CPQ: variants seen among roughly 807,000 people sequenced by gnomAD.
The protein encoded by CPQ is carboxypeptidase Q, also known as Ser-Met dipeptidase.
CPQ carries 37 observed loss-of-function variants against 45.7 expected under a neutral mutation model. The observed-to-expected ratio is 0.81, with a 90% CI of 0.62 to 1.07. The LOEUF is 1.07. Among genes scored for constraint, CPQ ranks in the 50% least tolerant of loss-of-function variants. The pLI, the probability that CPQ is intolerant of heterozygous loss-of-function variation, is 0.00. For synonymous variants in CPQ, 186 were observed against 205.8 expected (o/e 0.90, Z 0.82); for missense variants, 537 against 572.9 (o/e 0.94, Z 0.64).
At chr8:96,957,067 C>T (rs1048606936) in intron 4 of CPQ, among the ~76,000 whole-genome samples, 2 of 152,176 alleles carry the variant, frequency 1.3e-5, no homozygotes, top group African/African-American at 4.8e-5. Context: ...CTGTAACATT[C>T]TTTGACTGTC....
intron 2 of CPQ, among the ~76,000 whole-genome samples, chr8:96,789,374 T>C (rs1396517519): frequency 6.6e-6 from 1 of 152,234 alleles, no homozygotes; most frequent in Non-Finnish European, 1.5e-5. Flanking sequence ...CTGTGATGTC[T>C]ATTTCTCCTA....
At chr8:97,119,261 A>G (rs1247150109) in intron 7 of CPQ, among the ~76,000 whole-genome samples, 1 of 148,634 alleles carries the variant, frequency 6.7e-6, no homozygotes, top group Non-Finnish European at 1.5e-5. Context: ...CCCAGGAGGC[A>G]GAAGTTACAG....
At chr8:96,722,366 C>G (rs1236623812) in intron 1 of CPQ, among the ~76,000 whole-genome samples, 2 of 152,078 alleles carry the variant, frequency 1.3e-5, no homozygotes, top group African/African-American at 4.8e-5. Context: ...GGGACCAGAT[C>G]TGGCCTGCTC....
chr8:97,045,039 T>C (rs1810213715), intron 6 of CPQ, among the ~76,000 whole-genome samples: 1 of 152,200 alleles, frequency 6.6e-6, no homozygotes, highest in Admixed American at 6.5e-5. Context: ...GACATTTAAG[T>C]CTGCAGAGGT....
At chr8:97,088,910 T>G (rs1811082347) in intron 7 of CPQ, among the ~76,000 whole-genome samples, 1 of 152,178 alleles carries the variant, frequency 6.6e-6, no homozygotes, top group South Asian at 2.1e-4. Context: ...AAGTCCAAGC[T>G]ATACTCGAAA....
chr8:96,708,892 C>T (rs916946423), intron 1 of CPQ, among the ~76,000 whole-genome samples: 1 of 152,166 alleles, frequency 6.6e-6, no homozygotes, highest in African/African-American at 2.4e-5. Flanking sequence ...CCATTCACCA[C>T]TGTTGAATAT....
chr8:96,760,649 A>G (rs756709283), intron 1 of CPQ, among the ~76,000 whole-genome samples: 3 of 152,192 alleles, frequency 2.0e-5, no homozygotes, highest in Non-Finnish European at 2.9e-5. Context: ...AAAGGAACTC[A>G]TAAGAGAACC....
chr8:96,677,589 G>C (rs1218552473), intron 1 of CPQ, among the ~76,000 whole-genome samples: 1 of 152,048 alleles, frequency 6.6e-6, no homozygotes, highest in Non-Finnish European at 1.5e-5. Flanking sequence ...CAGATGCATA[G>C]TTTGTGAATA....
At chr8:96,826,408 A>G (rs1474332539) in intron 2 of CPQ, among the ~76,000 whole-genome samples, 9 of 152,046 alleles carry the variant, frequency 5.9e-5, no homozygotes, top group Admixed American at 4.6e-4. Flanking sequence ...CAGTAATGCT[A>G]TGATAACAAA....
At chr8:96,761,515 G>C (rs1174790005) in intron 1 of CPQ, 1 of 152,214 alleles carries the variant, frequency 6.6e-6, no homozygotes, top group Non-Finnish European at 1.5e-5. Context: ...TTGTAAAGGG[G>C]AGGCTGAAGA....
At chr8:96,841,428 T>C (rs1208270518) in intron 3 of CPQ, among the ~76,000 whole-genome samples, 4 of 152,188 alleles carry the variant, frequency 2.6e-5, no homozygotes, top group Non-Finnish European at 5.9e-5. Context: ...TAAAATATAA[T>C]TCAAAAGGTA....
At chr8:97,115,240 A>G (rs1262085926) in intron 7 of CPQ, among the ~76,000 whole-genome samples, 1 of 152,196 alleles carries the variant, frequency 6.6e-6, no homozygotes, top group Non-Finnish European at 1.5e-5. Context: ...ACAGTGCATG[A>G]CAGAATCTAA....
intron 2 of CPQ, among the ~76,000 whole-genome samples, chr8:96,816,862 C>T (rs553976923): frequency 6.6e-6 from 1 of 152,130 alleles, no homozygotes; most frequent in South Asian, 2.1e-4. Context: ...ATTTACTAAA[C>T]CATACTGTTT....
intron 6 of CPQ, among the ~76,000 whole-genome samples, chr8:97,047,652 C>T (rs577331005): frequency 5.9e-5 from 9 of 152,210 alleles, no homozygotes; most frequent in African/African-American, 2.2e-4. Flanking sequence ...AAAAAAATAA[C>T]CAACAACACT....
chr8:97,026,353 T>A (rs1809798493), intron 5 of CPQ, among the ~76,000 whole-genome samples: 1 of 152,212 alleles, frequency 6.6e-6, no homozygotes, highest in Non-Finnish European at 1.5e-5. Context: ...TTAGGTATTA[T>A]AATTAATCTA....
At chr8:97,016,005 TTTTG>T (rs1248103458) in intron 5 of CPQ, among the ~76,000 whole-genome samples, 2 of 152,108 alleles carry the variant, frequency 1.3e-5, no homozygotes, top group Non-Finnish European at 2.9e-5. Flanking sequence ...GTTTCTAATT[TTTTG>T]TTTCTCTCAA....
chr8:96,916,343 A>C (rs1812732404), intron 4 of CPQ, among the ~76,000 whole-genome samples: 2 of 152,170 alleles, frequency 1.3e-5, no homozygotes, highest in African/African-American at 4.8e-5. Flanking sequence ...ATTCAATGGG[A>C]TCATAGATAT....
At position 97,078,771 on chromosome 8, in the gene CPQ, C is replaced by CTCTT. The variant is rs535552229; in HGVS notation, c.1255+12564_1255+12565insTTCT. 4.0e-4 allele frequency among the ~76,000 whole-genome samples: 45 copies of CTCTT among 111,270 alleles called. No homozygotes were observed. In the South Asian group the frequency reaches 0.012, roughly 31 times the overall value. 73.0% of individuals were successfully genotyped at this position (111,270 alleles called of 152,430 possible). A position where few individuals can be genotyped will look rare whatever the true frequency, so the allele number is the denominator to read the frequency against. The stretch of plus-strand genomic sequence containing the variant: ...TATGATATCATTTCCATTTCTCTCT[C>CTCTT]TCTCTCTCTCTCTCTCTCTCTCTCT... On this transcript the variant is annotated intron_variant, in intron 7 of 7. Coordinates refer to ENST00000220763, the MANE Select transcript of CPQ (RefSeq NM_016134.4).
intron 3 of CPQ, among the ~76,000 whole-genome samples, chr8:96,842,099 G>A (rs1354654162): frequency 6.6e-6 from 1 of 152,158 alleles, no homozygotes; most frequent in Non-Finnish European, 1.5e-5. Flanking sequence ...ACTCAGAGCA[G>A]AGGTGAAATG....
Sources: gnomAD v4.1 joint callset for allele counts (sites outside exome capture counted in the v4.1 genomes callset) on GRCh38, gnomAD v4.1.1 for gene constraint, MANE v1.5 for transcripts, NCBI Gene and HGNC (gene_info 2026-07-23, HGNC 2026-07-21) for gene names.